Variants in ZNF462 observed in about 807,000 individuals in gnomAD.
ZNF462 encodes zinc finger protein 462, also known as zinc finger PBX1-interacting protein.
In ZNF462, 10 loss-of-function variants were observed where a neutral mutation model predicts 201.9. The ratio of observed to expected loss-of-function variants is 0.05; its 90% CI spans 0.03 to 0.08. ZNF462 has a LOEUF of 0.08. ZNF462 is among the 10% of genes least tolerant of loss of function. ZNF462 has a pLI of 1.00. For missense variants in ZNF462, 2,523 were observed against 3,168.3 expected (o/e 0.80, Z 4.89); for synonymous variants, 1,227 against 1,193.3 (o/e 1.03, Z -0.58).
chr9:106,896,714 T>C (rs1354970680), intron 1 of ZNF462, among the ~76,000 whole-genome samples: 1 of 152,210 alleles, frequency 6.6e-6, no homozygotes, highest in Non-Finnish European at 1.5e-5. Context: ...AAATATTTTG[T>C]TCAAATATGT....
chr9:106,917,721 G>A lies in ZNF462; in HGVS notation c.-30-5633G>A, dbSNP rs1829830386. Among the ~76,000 whole-genome samples, 1 of 152,132 alleles carries A rather than the reference G, an allele frequency of 6.6e-6. No individual in the cohort carries two copies. Among genetic ancestry groups the A allele is most frequent in the South Asian group, 2.1e-4 (1 of 4,826 alleles). ...CATGTAGCAAAAAGTATAAACATTTGATAGGTCATTTGAAGACTACATGGT... is the reference window on the plus strand; with the variant it reads ...CATGTAGCAAAAAGTATAAACATTTAATAGGTCATTTGAAGACTACATGGT... On this transcript the variant is annotated intron_variant, in intron 1 of 12. Transcript: ENST00000277225. The surrounding 1 kb of genome is among the most constrained non-coding windows in gnomAD (Gnocchi z 4.5).
chr9:106,881,000 C>T lies in ZNF462; in HGVS notation c.-31+17645C>T, dbSNP rs961378873. ...TCAGCACTGAGCTTTTATTTTGTAA[C>T]AATTTGGAGGGGTATAGGATCACCC... On this transcript the variant is annotated intron_variant, in intron 1 of 12. Transcript: ENST00000277225. This position sits in a 1 kb window ranked among gnomAD's most constrained non-coding sequence, Gnocchi z 4.1. Among the ~76,000 whole-genome samples, 3 of 152,178 alleles carry T rather than the reference C, an allele frequency of 2.0e-5. No homozygotes were observed. Among genetic ancestry groups the T allele is most frequent in the East Asian group, 1.9e-4 (1 of 5,184 alleles).
intron 8 of ZNF462, among the ~76,000 whole-genome samples, chr9:106,973,478 G>A (rs777938446): frequency 7.2e-5 from 11 of 152,178 alleles, no homozygotes; most frequent in Non-Finnish European, 1.2e-4. Context: ...GGCAAGGGCC[G>A]ACAGACAGGC....
At chr9:106,871,161 C>G (rs1178913621) in intron 1 of ZNF462, among the ~76,000 whole-genome samples, 1 of 152,186 alleles carries the variant, frequency 6.6e-6, no homozygotes, top group Admixed American at 6.5e-5. Flanking sequence ...CCAATACTTA[C>G]CTGCAGATTA....
rs1245149289 is a variant in ZNF462, at chr9:106,880,161, A to G, written c.-31+16806A>G. Among the ~76,000 whole-genome samples the G allele has an allele frequency of 6.6e-6, 1 of 151,968 alleles. No individual in the cohort carries two copies. Among genetic ancestry groups the G allele is most frequent in the African/African-American group, 2.4e-5 (1 of 41,360 alleles). On this transcript the variant is annotated intron_variant, in intron 1 of 12. Transcript: ENST00000277225. The surrounding 1 kb of genome is among the most constrained non-coding windows in gnomAD (Gnocchi z 4.1). ...TCTCAATTTCTGCCGCCCGCTCAGGAGGATTTTCACAGCCTCTCTTGAATG... is the reference window on the plus strand; with the variant it reads ...TCTCAATTTCTGCCGCCCGCTCAGGGGGATTTTCACAGCCTCTCTTGAATG...
chr9:106,907,814 TTTAG>T (rs1441015269), intron 1 of ZNF462, among the ~76,000 whole-genome samples: 1 of 152,002 alleles, frequency 6.6e-6, no homozygotes, highest in Non-Finnish European at 1.5e-5. Context: ...GTTTGATTCA[TTTAG>T]TATTATTATT....
In ZNF462 at chr9:106,902,743, T is replaced by G. The variant is rs1829114928; in HGVS notation, c.-30-20611T>G. On this transcript the variant is annotated intron_variant, in intron 1 of 12. Coordinates refer to ENST00000277225, the MANE Select transcript of ZNF462 (RefSeq NM_021224.6). The surrounding 1 kb of genome is among the most constrained non-coding windows in gnomAD (Gnocchi z 4.2). ...TCATAGTAACCTTGAATGATCTTTT[T>G]GTATTTCTGTGGTATCAGATGTAAT... Among the ~76,000 whole-genome samples, 1 of 152,150 alleles carries G rather than the reference T, an allele frequency of 6.6e-6. No homozygotes were observed. The highest frequency in any genetic ancestry group is 2.4e-5 in the African/African-American group (1 of 41,448).
In ZNF462 at chr9:107,010,954, A is replaced by G. The variant is rs1377347965; in HGVS notation, c.7445A>G (p.Lys2482Arg). ...DEAIGIDFSLKNETVAICVVT... is the reference protein window; with the variant it reads ...DEAIGIDFSLRNETVAICVVT... ...GCCATTGGGATAGACTTTTCCCTAA[A>G]GAATGAAACAGTAGCCATCTGTGTA... Residue 2482 changes from lysine (K) to arginine (R), a missense_variant, in exon 13 of 13, where the codon AAG becomes AGG. By Grantham distance (26) the Lys-to-Arg change is conservative. This residue lies in a region of ZNF462 where 67 missense variants were observed against 63.2 expected (regional missense o/e 1.06). Coordinates refer to ENST00000277225, the MANE Select transcript of ZNF462 (RefSeq NM_021224.6). The surrounding 1 kb of genome is among the most constrained non-coding windows in gnomAD (Gnocchi z 4.6). 3.1e-6 allele frequency: 5 copies of G among 1,613,720 alleles called. No individual in the cohort carries two copies. The African/African-American group carries it at 6.7e-5, about 22-fold the overall frequency.
In ZNF462 at chr9:107,010,754, T is replaced by A; in HGVS notation, c.7314-69T>A. 7.1e-7 allele frequency: 1 copy of A among 1,405,132 alleles called. No individual in the cohort carries two copies. Among genetic ancestry groups the A allele is most frequent in the Non-Finnish European group, 9.5e-7 (1 of 1,052,438 alleles). 87.0% of individuals were successfully genotyped at this position (1,405,132 alleles called of 1,614,324 possible). On this transcript the variant is annotated intron_variant, in intron 12 of 12. Transcript: ENST00000277225. This position sits in a 1 kb window ranked among gnomAD's most constrained non-coding sequence, Gnocchi z 4.6. ...AATAAAGACACTCGAGGGTTTTTAT[T>A]ATTTTTTTGTTTAAAAAGAGAAATA...
chr9:106,872,900 T>A lies in ZNF462; in HGVS notation c.-31+9545T>A, dbSNP rs1362346841. On this transcript the variant is annotated intron_variant, in intron 1 of 12. Coordinates refer to ENST00000277225, the MANE Select transcript of ZNF462 (RefSeq NM_021224.6). The surrounding 1 kb of genome is among the most constrained non-coding windows in gnomAD (Gnocchi z 4.5). Reference sequence around the variant, plus strand: ...AGTTAATACTGGACAACGGTTTTTATTTTTTTTTAACATTTAATATGAACC... The same window carrying A: ...AGTTAATACTGGACAACGGTTTTTAATTTTTTTTAACATTTAATATGAACC... Among the ~76,000 whole-genome samples the A allele has an allele frequency of 6.6e-6, 1 of 151,028 alleles. No homozygotes were observed. Among genetic ancestry groups the A allele is most frequent in the Non-Finnish European group, 1.5e-5 (1 of 67,472 alleles).
chr9:106,898,389 A>G lies in ZNF462; in HGVS notation c.-30-24965A>G, dbSNP rs115555616. Among the ~76,000 whole-genome samples the G allele has an allele frequency of 4.3e-3, 660 of 152,266 alleles. 6 individuals carry two copies. The highest frequency in any genetic ancestry group is 0.015 in the African/African-American group (626 of 41,552). ...GGCCTTCTAGAGAAAGTGGTACTCA[A>G]TTGGGTATGATTTTGTGCTAACCCT... On this transcript the variant is annotated intron_variant, in intron 1 of 12. Coordinates refer to ENST00000277225, the MANE Select transcript of ZNF462 (RefSeq NM_021224.6).
intron 10 of ZNF462, among the ~76,000 whole-genome samples, chr9:106,992,006 T>G (rs1033447056): frequency 7.9e-5 from 12 of 151,724 alleles, no homozygotes; most frequent in African/African-American, 2.7e-4. Context: ...GCAAAAGTTA[T>G]GGACAACTAA....
intron 1 of ZNF462, among the ~76,000 whole-genome samples, chr9:106,908,513 T>C (rs1379660971): frequency 6.6e-6 from 1 of 152,052 alleles, no homozygotes; most frequent in Non-Finnish European, 1.5e-5. Flanking sequence ...TGATATTAGA[T>C]TTTCAAACTT....
chr9:106,932,881 T>G lies in ZNF462; in HGVS notation c.6116+332T>G, dbSNP rs1393144878. ...ACATTCAGCCAAAATCTAGTCATTG[T>G]TTGAGGAAGTAAAGTCCATTTAGAA... On this transcript the variant is annotated intron_variant, in intron 5 of 12. Transcript: ENST00000277225. This position sits in a 1 kb window ranked among gnomAD's most constrained non-coding sequence, Gnocchi z 6.8. The G allele has an allele frequency of 9.6e-6, 4 of 417,322 alleles. No homozygotes were observed. The highest frequency in any genetic ancestry group is 1.7e-5 in the Non-Finnish European group (4 of 233,096). 25.9% of individuals were successfully genotyped at this position (417,322 alleles called of 1,614,324 possible). A position where few individuals can be genotyped will look rare whatever the true frequency, so the allele number is the denominator to read the frequency against.
chr9:106,967,843 C>T (rs1314876354), intron 7 of ZNF462, among the ~76,000 whole-genome samples: 1 of 152,052 alleles, frequency 6.6e-6, no homozygotes, highest in Non-Finnish European at 1.5e-5. Flanking sequence ...TTTATATAAG[C>T]ATTTTGAAAT....
At position 106,930,735 on chromosome 9, in the gene ZNF462, A is replaced by C; in HGVS notation, c.6012+46A>C. ...ATGAGCATTGTGTGTGAGCGATTCG[A>C]GTTACTTATTAACCCCATTGCCTAA... On this transcript the variant is annotated intron_variant, in intron 4 of 12. Coordinates refer to ENST00000277225, the MANE Select transcript of ZNF462 (RefSeq NM_021224.6). This position sits in a 1 kb window ranked among gnomAD's most constrained non-coding sequence, Gnocchi z 5.8. The C allele has an allele frequency of 6.2e-7, 1 of 1,605,766 alleles. No individual in the cohort carries two copies. The highest frequency in any genetic ancestry group is 8.5e-7 in the Non-Finnish European group (1 of 1,174,740).
At position 106,876,415 on chromosome 9, in the gene ZNF462, TG is replaced by T. The variant is rs1827832661; in HGVS notation, c.-31+13061del. 6.6e-6 allele frequency among the ~76,000 whole-genome samples: 1 copy of T among 152,220 alleles called. No individual in the cohort carries two copies. Among genetic ancestry groups the T allele is most frequent in the African/African-American group, 2.4e-5 (1 of 41,462 alleles). ...TCTATGGTCAGTATATTAGGTATTT[TG>T]TTCTTGGTCTTAAAGTCAGCTTTTG... On this transcript the variant is annotated intron_variant, in intron 1 of 12. Coordinates refer to ENST00000277225, the MANE Select transcript of ZNF462 (RefSeq NM_021224.6). The surrounding 1 kb of genome is among the most constrained non-coding windows in gnomAD (Gnocchi z 4.9).
chr9:106,902,506 CT>C lies in ZNF462; in HGVS notation c.-30-20842del, dbSNP rs1318787329. Among the ~76,000 whole-genome samples, 1 of 151,992 alleles carries C rather than the reference CT, an allele frequency of 6.6e-6. No individual in the cohort carries two copies. The highest frequency in any genetic ancestry group is 2.4e-5 in the African/African-American group (1 of 41,400). On this transcript the variant is annotated intron_variant, in intron 1 of 12. Coordinates refer to ENST00000277225, the MANE Select transcript of ZNF462 (RefSeq NM_021224.6). The surrounding 1 kb of genome is among the most constrained non-coding windows in gnomAD (Gnocchi z 4.2). ...AGTGTCAAAAGGACTGGTACAAATT[CT>C]TTTTTGAATGTCTCGTAGAATTCTG...
intron 10 of ZNF462, among the ~76,000 whole-genome samples, chr9:106,990,879 G>A (rs915997708): frequency 6.6e-6 from 1 of 151,960 alleles, no homozygotes; most frequent in Non-Finnish European, 1.5e-5. Context: ...AGATGGCAGT[G>A]CTATTGAAAC....
Sources: allele counts gnomAD v4.1 joint callset (sites outside exome capture counted in the v4.1 genomes callset), GRCh38; gene constraint gnomAD v4.1.1; regional missense constraint gnomAD v4.1.1; non-coding constraint Gnocchi (gnomAD v3.1); transcripts MANE v1.5; gene names NCBI Gene and HGNC (gene_info 2026-07-23, HGNC 2026-07-21).